The following SDK1 variants were observed in gnomAD, a reference collection of about 807,000 sequenced individuals.
SDK1 encodes the protein sidekick cell adhesion molecule 1.
Under a neutral mutation model 245.5 loss-of-function variants are expected in SDK1, and 157 were observed. The ratio of observed to expected loss-of-function variants is 0.64; its 90% CI spans 0.56 to 0.73. The LOEUF (loss-of-function observed/expected upper bound fraction) is 0.73. SDK1 is among the 30% of genes least tolerant of loss of function. SDK1 has a pLI of 0.00. For missense variants in SDK1, 3,583 were observed against 3,002.3 expected (o/e 1.19, Z -4.52); for synonymous variants, 1,647 against 1,278.5 (o/e 1.29, Z -6.15).
At chr7:4,129,696 C>G (rs996552410) in intron 26 of SDK1, 2 of 1,398,854 alleles carry the variant, frequency 1.4e-6, no homozygotes, top group African/African-American at 1.5e-5. Flanking sequence ...GGCACTAACT[C>G]AAGCTCCCCT....
intron 1 of SDK1, among the ~76,000 whole-genome samples, chr7:3,505,389 C>A (rs1353409331): frequency 6.6e-6 from 1 of 152,040 alleles, no homozygotes; most frequent in African/African-American, 2.4e-5. Flanking sequence ...GTAGCTAGGA[C>A]TACAGGTGCA....
At chr7:4,192,035 C>T (rs1244330645) in intron 35 of SDK1, among the ~76,000 whole-genome samples, 1 of 152,222 alleles carries the variant, frequency 6.6e-6, no homozygotes, top group Non-Finnish European at 1.5e-5. Flanking sequence ...GAACTCTTCC[C>T]CTCTTTGCCT....
intron 1 of SDK1, among the ~76,000 whole-genome samples, chr7:3,351,082 A>G (rs976282430): frequency 1.3e-5 from 2 of 152,318 alleles, no homozygotes; most frequent in East Asian, 3.9e-4. Flanking sequence ...AAAAAATTTG[A>G]AAACAGCTTG....
intron 32 of SDK1, 55 bp downstream of exon 32, chr7:4,161,911 G>A (rs1584334629): frequency 1.6e-5 from 24 of 1,493,736 alleles, no homozygotes; most frequent in East Asian, 1.1e-4. Context: ...ATTTCCCTGC[G>A]CATTCAGCCA....
intron 5 of SDK1, among the ~76,000 whole-genome samples, chr7:3,829,113 G>T (rs902405554): frequency 1.2e-4 from 18 of 152,276 alleles, no homozygotes; most frequent in African/African-American, 4.3e-4. Flanking sequence ...TAGATGCGCT[G>T]CGGTAGTTTT....
At chr7:4,077,266 T>C (rs1349294712) in intron 21 of SDK1, 77 bp downstream of exon 21, 1 of 1,419,020 alleles carries the variant, frequency 7.0e-7, no homozygotes, top group African/African-American at 1.4e-5. Context: ...TGATTGGCAC[T>C]TTGGTGTGGA....
At chr7:3,663,471 G>A (rs959923407) in intron 4 of SDK1, among the ~76,000 whole-genome samples, 1 of 152,176 alleles carries the variant, frequency 6.6e-6, no homozygotes, top group African/African-American at 2.4e-5. Context: ...TTGCTTGTTT[G>A]CATTCTGTGA....
At chr7:3,729,606 T>G (rs986025695) in intron 4 of SDK1, among the ~76,000 whole-genome samples, 1 of 152,188 alleles carries the variant, frequency 6.6e-6, no homozygotes, top group African/African-American at 2.4e-5. Flanking sequence ...TTACCTTTGC[T>G]TCTTGTCTGG....
chr7:3,936,726 A>G (rs1382146973), intron 5 of SDK1, among the ~76,000 whole-genome samples: 4 of 152,240 alleles, frequency 2.6e-5, no homozygotes, highest in Non-Finnish European at 2.9e-5. Context: ...ATGGGGGGAA[A>G]AAAAGAAGTA....
chr7:3,338,503 C>A, intron 1 of SDK1: 1 of 471,360 alleles, frequency 2.1e-6, no homozygotes. Flanking sequence ...CAGGGTTCAG[C>A]TGAAGAGCCA....
chr7:4,252,122 A>G (rs1787339887), intron 44 of SDK1, among the ~76,000 whole-genome samples: 1 of 152,100 alleles, frequency 6.6e-6, no homozygotes, highest in African/African-American at 2.4e-5. Flanking sequence ...TTTGTTACAT[A>G]TATATACATG....
chr7:3,966,383 T>G (rs1038629561), intron 9 of SDK1, among the ~76,000 whole-genome samples: 3 of 152,072 alleles, frequency 2.0e-5, no homozygotes, highest in African/African-American at 7.2e-5. Flanking sequence ...GAGACACAGA[T>G]CACTGTTGTA....
chr7:3,635,664 T>C (rs572103350), intron 2 of SDK1, among the ~76,000 whole-genome samples: 2 of 152,332 alleles, frequency 1.3e-5, no homozygotes, highest in South Asian at 2.1e-4. Context: ...CTCTGTTTTC[T>C]TCTCCCCTTT....
At position 3,974,321 on chromosome 7, in the gene SDK1, TC is replaced by T. The variant is rs1377966334; in HGVS notation, c.1818-47del. 2.6e-6 allele frequency: 4 copies of T among 1,521,784 alleles called. No individual in the cohort carries two copies. In the Admixed American group the frequency reaches 7.1e-5, roughly 27 times the overall value. 94.3% of individuals were successfully genotyped at this position (1,521,784 alleles called of 1,614,324 possible). ...TAAGAGACAGGGAAGGAGCAGTGAT[TC>T]TGTCACTGTGGGGTTTGTAACTCAA... On this transcript the variant is annotated intron_variant, in intron 12 of 44. Transcript: ENST00000404826.
intron 1 of SDK1, among the ~76,000 whole-genome samples, chr7:3,527,624 T>C (rs1236611614): frequency 6.6e-6 from 1 of 151,056 alleles, no homozygotes; most frequent in East Asian, 1.9e-4. Flanking sequence ...TGGATGATAG[T>C]CAGCTAGGGG....
At chr7:4,040,384 C>A (rs944124648) in intron 17 of SDK1, among the ~76,000 whole-genome samples, 1 of 152,182 alleles carries the variant, frequency 6.6e-6, no homozygotes, top group Non-Finnish European at 1.5e-5. Context: ...AAACAACTCA[C>A]AACCTACTTA....
At chr7:3,790,646 A>G (rs1583416510) in intron 4 of SDK1, among the ~76,000 whole-genome samples, 1 of 152,280 alleles carries the variant, frequency 6.6e-6, no homozygotes, top group Non-Finnish European at 1.5e-5. Flanking sequence ...CATCTCACTA[A>G]AAATACAAAA....
intron 1 of SDK1, among the ~76,000 whole-genome samples, chr7:3,496,706 C>G (rs1782036933): frequency 6.6e-6 from 1 of 152,128 alleles, no homozygotes; most frequent in African/African-American, 2.4e-5. Context: ...TGTCTGTGTT[C>G]CGACTACTTT....
chr7:3,527,914 G>A (rs570745373), intron 1 of SDK1, among the ~76,000 whole-genome samples: 20 of 150,162 alleles, frequency 1.3e-4, no homozygotes, highest in African/African-American at 4.9e-4. Flanking sequence ...TTGGATCATG[G>A]CCAGCTAGGG....
Sources: allele counts gnomAD v4.1 joint callset (sites outside exome capture counted in the v4.1 genomes callset), GRCh38; gene constraint gnomAD v4.1.1; transcripts MANE v1.5; gene names NCBI Gene and HGNC (gene_info 2026-07-23, HGNC 2026-07-21).